The following GPR176 variants were observed in gnomAD, a reference collection of about 807,000 sequenced individuals.
The protein encoded by GPR176 is G-protein coupled receptor 176.
In GPR176, 26 loss-of-function variants were observed where a neutral mutation model predicts 35.4. The ratio of observed to expected loss-of-function variants is 0.74; its 90% CI spans 0.54 to 1.02. GPR176 has a LOEUF of 1.02. Among genes scored for constraint, GPR176 ranks in the 50% least tolerant of loss-of-function variants. The pLI is 0.00. For missense variants in GPR176, 597 were observed against 665.3 expected (o/e 0.90, Z 1.13); for synonymous variants, 278 against 271.3 (o/e 1.02, Z -0.24).
intron 1 of GPR176, among the ~76,000 whole-genome samples, chr15:39,909,452 T>A (rs566431238): frequency 2.6e-5 from 4 of 152,320 alleles, no homozygotes; most frequent in African/African-American, 9.6e-5. Flanking sequence ...AACATAATAC[T>A]TTGTAATAAA....
At chr15:39,865,181 C>T (rs2031776951) in intron 1 of GPR176, among the ~76,000 whole-genome samples, 1 of 152,000 alleles carries the variant, frequency 6.6e-6, no homozygotes, top group South Asian at 2.1e-4. Context: ...TCATTTGATC[C>T]AGCAATCCCC....
chr15:39,861,812 GT>G (rs1253352951), intron 1 of GPR176, among the ~76,000 whole-genome samples: 4 of 152,204 alleles, frequency 2.6e-5, no homozygotes, highest in African/African-American at 9.6e-5. Context: ...TTAAAGGTCT[GT>G]TTTACAAAGA....
In GPR176 at chr15:39,802,028, C is replaced by T. The variant is rs2140771274; in HGVS notation, c.652G>A (p.Val218Met). 2 of 1,614,150 alleles carry T rather than the reference C, an allele frequency of 1.2e-6. No individual in the cohort carries two copies. Among genetic ancestry groups the T allele is most frequent in the South Asian group, 2.2e-5 (2 of 91,080 alleles). ...ATCAAGAAGAGGAACACCACCACCA[C>T]AGGCACAATGACCGTGGTGATGTTA... Reference protein sequence around the residue: ...VYNITTVIVPVVVVFLFLILI... With the variant: ...VYNITTVIVPMVVVFLFLILI... Residue 218 changes from valine (V) to methionine (M), a missense_variant, in exon 3 of 3, where the codon GTG (valine) becomes ATG (methionine). Val to Met is a conservative substitution (Grantham distance 21). Transcript: ENST00000561100.
chr15:39,860,409 G>A (rs1294207572), intron 1 of GPR176, among the ~76,000 whole-genome samples: 1 of 152,226 alleles, frequency 6.6e-6, no homozygotes, highest in African/African-American at 2.4e-5. Context: ...CTGCAAAGGA[G>A]AACAGAAGCA....
At chr15:39,894,624 C>T (rs914008189) in intron 1 of GPR176, 13 of 174,420 alleles carry the variant, frequency 7.5e-5, no homozygotes, top group Non-Finnish European at 1.5e-4. Flanking sequence ...AGACGATGGG[C>T]GGCCGGGCAG....
intron 1 of GPR176, among the ~76,000 whole-genome samples, chr15:39,912,681 C>A (rs1463935109): frequency 2.6e-5 from 4 of 151,136 alleles, no homozygotes; most frequent in African/African-American, 7.3e-5. Flanking sequence ...CCAGTCACTA[C>A]AGAATCTAAA....
intron 1 of GPR176, among the ~76,000 whole-genome samples, chr15:39,897,128 T>C (rs1287690240): frequency 1.3e-5 from 2 of 152,074 alleles, no homozygotes; most frequent in Non-Finnish European, 2.9e-5. Flanking sequence ...AGGCCAGAGC[T>C]CCCACTCCAA....
At chr15:39,895,269 AGGGAGACCGTGGGGAG>A (rs2033073206) in intron 1 of GPR176, among the ~76,000 whole-genome samples, 1 of 89,070 alleles carries the variant, frequency 1.1e-5, no homozygotes, top group African/African-American at 3.9e-5. Flanking sequence ...GGAGAGGGAG[AGGGAGACCGTGGGGAG>A]AGGAAGAGGG....
rs118035333 is a variant in GPR176 at position 39,916,997 on chromosome 15, G to A, written c.172+2858C>T. ...AACAATGAATCAAGAATACCAGTAC[G>A]TAGGCAGGGCATCATGGCTCATGCC... On this transcript the variant is annotated intron_variant, in intron 1 of 2. Transcript: ENST00000561100. Among the ~76,000 whole-genome samples, 478 of 152,270 alleles carry A rather than the reference G, an allele frequency of 3.1e-3. 4 individuals carry two copies. In the East Asian group the frequency reaches 0.039, roughly 12 times the overall value.
At position 39,801,948 on chromosome 15, in the gene GPR176, C is replaced by T. The variant is rs536316551; in HGVS notation, c.732G>A (p.Ala244=). 23 of 1,614,016 alleles carry T rather than the reference C, an allele frequency of 1.4e-5. No individual in the cohort carries two copies. Among genetic ancestry groups the T allele is most frequent in the Admixed American group, 1.2e-4 (7 of 60,010 alleles). Residue 244 remains alanine (A), a synonymous_variant, in exon 3 of 3, where the codon GCG becomes GCA. Coordinates refer to ENST00000561100, the MANE Select transcript of GPR176 (RefSeq NM_007223.3). ...ASQKKKVIIA[A]LRTPQNTISI... is the part of the protein sequence containing the mutation. ...AGATGGTGTTCTGTGGGGTCCGGAGCGCTGCTATGATGACCTTCTTCTTCT... is the reference window on the plus strand; with the variant it reads ...AGATGGTGTTCTGTGGGGTCCGGAGTGCTGCTATGATGACCTTCTTCTTCT...
chr15:39,883,153 G>A (rs2032542994), intron 1 of GPR176, among the ~76,000 whole-genome samples: 1 of 152,134 alleles, frequency 6.6e-6, no homozygotes, highest in Non-Finnish European at 1.5e-5. Context: ...GTTTCAATCT[G>A]AATTATCCAA....
At chr15:39,917,713 A>G (rs1005475321) in intron 1 of GPR176, among the ~76,000 whole-genome samples, 1 of 151,926 alleles carries the variant, frequency 6.6e-6, no homozygotes, top group Non-Finnish European at 1.5e-5. Context: ...GAGCAAATTG[A>G]ATTCTCTTTT....
At chr15:39,851,459 A>G (rs1043557258) in intron 1 of GPR176, among the ~76,000 whole-genome samples, 1 of 152,116 alleles carries the variant, frequency 6.6e-6, no homozygotes, top group African/African-American at 2.4e-5. Context: ...TTTCCACTCA[A>G]ACTGATGTTC....
At chr15:39,812,835 G>A (rs535630181) in intron 1 of GPR176, among the ~76,000 whole-genome samples, 9 of 150,698 alleles carry the variant, frequency 6.0e-5, no homozygotes, top group East Asian at 2.0e-4. Context: ...TCCGCTCCCC[G>A]CAGGCTCAAG....
At chr15:39,892,286 A>G (rs1259184283) in intron 1 of GPR176, among the ~76,000 whole-genome samples, 2 of 152,218 alleles carry the variant, frequency 1.3e-5, no homozygotes, top group African/African-American at 2.4e-5. Flanking sequence ...GGTAGAGCCA[A>G]GCAGACAAAC....
chr15:39,840,789 A>T (rs1023539356), intron 1 of GPR176, among the ~76,000 whole-genome samples: 25 of 152,240 alleles, frequency 1.6e-4, no homozygotes, highest in African/African-American at 4.3e-4. Context: ...AAAAAAATTT[A>T]AAAAAATAGC....
At chr15:39,908,368 G>A (rs114877481) in intron 1 of GPR176, among the ~76,000 whole-genome samples, 2,266 of 152,258 alleles carry the variant, frequency 0.015, 68 homozygotes, top group African/African-American at 0.053. Context: ...AGGCCCTGCA[G>A]GGCTGTGAGA....
intron 1 of GPR176, among the ~76,000 whole-genome samples, chr15:39,855,023 C>G (rs186564193): frequency 6.6e-6 from 1 of 151,196 alleles, no homozygotes; most frequent in East Asian, 1.9e-4. Flanking sequence ...TGCACTCCAG[C>G]CTGGGTAACA....
chr15:39,805,524 A>G (rs1182363708), intron 2 of GPR176, among the ~76,000 whole-genome samples: 1 of 152,132 alleles, frequency 6.6e-6, no homozygotes, highest in Non-Finnish European at 1.5e-5. Context: ...CTACAAAGCA[A>G]TTATTAGCTG....
Sources: gnomAD v4.1 joint callset for allele counts (sites outside exome capture counted in the v4.1 genomes callset) on GRCh38, gnomAD v4.1.1 for gene constraint, MANE v1.5 for transcripts, NCBI Gene and HGNC (gene_info 2026-07-23, HGNC 2026-07-21) for gene names.